PDE4D: variants seen among roughly 807,000 people sequenced by gnomAD.
The protein encoded by PDE4D is phosphodiesterase 4D, also known as 3',5'-cyclic-AMP phosphodiesterase 4D.
Under a neutral mutation model 87.4 loss-of-function variants are expected in PDE4D, and 24 were observed. The observed-to-expected ratio is 0.27, with a 90% CI of 0.20 to 0.39. The LOEUF (loss-of-function observed/expected upper bound fraction) is 0.39, where lower values mean the gene tolerates loss of function less well. PDE4D is among the 10% of genes least tolerant of loss of function. The pLI is 1.00. For missense variants in PDE4D, 714 were observed against 1,041.0 expected (o/e 0.69, Z 4.32); for synonymous variants, 384 against 383.2 (o/e 1.00, Z -0.02).
intron 1 of PDE4D, among the ~76,000 whole-genome samples, chr5:60,244,420 G>A (rs1747469249): frequency 6.6e-6 from 1 of 151,716 alleles, no homozygotes; most frequent in East Asian, 1.9e-4. Flanking sequence ...AAATACTGAT[G>A]ACATTCTTTA....
chr5:59,234,750 TG>T (rs1270976969), intron 1 of PDE4D, among the ~76,000 whole-genome samples: 5 of 152,188 alleles, frequency 3.3e-5, no homozygotes, highest in African/African-American at 1.2e-4. Context: ...AAAGGATAGA[TG>T]TCAGTTTTTT....
intron 6 of PDE4D, among the ~76,000 whole-genome samples, chr5:59,022,955 T>C (rs1426126065): frequency 6.6e-6 from 1 of 152,096 alleles, no homozygotes; most frequent in African/African-American, 2.4e-5. Context: ...GTGGGCAGAT[T>C]ACGAGGTCAG....
intron 2 of PDE4D, among the ~76,000 whole-genome samples, chr5:60,086,868 C>T (rs1419939526): frequency 1.3e-5 from 2 of 152,178 alleles, no homozygotes; most frequent in Non-Finnish European, 2.9e-5. Context: ...CTCTGTGCTT[C>T]AATCAGTGGG....
Position 59,052,239 on chromosome 5 carries a change from G to A in PDE4D, c.809-13268C>T, listed in dbSNP as rs1224031922. On this transcript the variant is annotated intron_variant, in intron 5 of 14. Coordinates refer to ENST00000340635, the MANE Select transcript of PDE4D (RefSeq NM_001104631.2). ...CAGTGTGCTGGGTTTCAGGAAGAAGGTGAACTTGGATGTAGGTCTTCAAGG... is the reference window on the plus strand; with the variant it reads ...CAGTGTGCTGGGTTTCAGGAAGAAGATGAACTTGGATGTAGGTCTTCAAGG... 2.0e-5 allele frequency among the ~76,000 whole-genome samples: 3 copies of A among 152,304 alleles called. No homozygotes were observed. In the East Asian group the frequency reaches 5.8e-4, roughly 29 times the overall value.
chr5:60,110,780 A>G (rs1454047989), intron 2 of PDE4D, among the ~76,000 whole-genome samples: 1 of 152,150 alleles, frequency 6.6e-6, no homozygotes, highest in East Asian at 1.9e-4. Context: ...AAATAGATAA[A>G]GAAAATGTGG....
intron 1 of PDE4D, among the ~76,000 whole-genome samples, chr5:59,700,960 A>G (rs1003441427): frequency 6.6e-6 from 1 of 152,148 alleles, no homozygotes; most frequent in Non-Finnish European, 1.5e-5. Flanking sequence ...AGCCCCTAGA[A>G]TCTGATCTTG....
chr5:59,731,751 C>T (rs1757388157), intron 1 of PDE4D, among the ~76,000 whole-genome samples: 1 of 152,122 alleles, frequency 6.6e-6, no homozygotes, highest in African/African-American at 2.4e-5. Flanking sequence ...ATGTTTCCTT[C>T]AGTCATTTCT....
chr5:60,280,489 A>G (rs1751794913), intron 1 of PDE4D, among the ~76,000 whole-genome samples: 1 of 152,214 alleles, frequency 6.6e-6, no homozygotes, highest in Non-Finnish European at 1.5e-5. Flanking sequence ...CAGAATAGAA[A>G]TTATCTGAAA....
intron 1 of PDE4D, among the ~76,000 whole-genome samples, chr5:59,265,474 A>G (rs962453545): frequency 6.6e-6 from 1 of 152,052 alleles, no homozygotes; most frequent in Middle Eastern, 3.2e-3. Context: ...CTTATGGAAA[A>G]GAAACCCTTA....
At chr5:59,030,544 GC>G (rs1479868935) in intron 6 of PDE4D, among the ~76,000 whole-genome samples, 1 of 150,780 alleles carries the variant, frequency 6.6e-6, no homozygotes, top group Non-Finnish European at 1.5e-5. Context: ...TTCTAGACAA[GC>G]CTGGGCAAAA....
At chr5:59,565,990 A>G (rs1419178146) in intron 1 of PDE4D, among the ~76,000 whole-genome samples, 2 of 152,206 alleles carry the variant, frequency 1.3e-5, no homozygotes, top group African/African-American at 2.4e-5. Flanking sequence ...AGGAAAAAGA[A>G]ATGTGAAAAT....
intron 1 of PDE4D, among the ~76,000 whole-genome samples, chr5:59,428,679 T>G (rs1224152228): frequency 6.6e-6 from 1 of 152,112 alleles, no homozygotes; most frequent in African/African-American, 2.4e-5. Flanking sequence ...CTTAAGAAAA[T>G]GAGTAACAGA....
chr5:59,551,091 A>G (rs1818039336), intron 1 of PDE4D, among the ~76,000 whole-genome samples: 1 of 151,998 alleles, frequency 6.6e-6, no homozygotes, highest in Non-Finnish European at 1.5e-5. Context: ...CGTTTTCTTT[A>G]TGGTGTTTTT....
At chr5:60,482,208 C>T (rs1748782940) in intron 1 of PDE4D, among the ~76,000 whole-genome samples, 1 of 152,032 alleles carries the variant, frequency 6.6e-6, no homozygotes, top group African/African-American at 2.4e-5. Context: ...CTCTTTCTGC[C>T]ATGTGAAGAT....
intron 5 of PDE4D, among the ~76,000 whole-genome samples, chr5:59,045,409 C>T (rs1429891419): frequency 1.3e-5 from 2 of 151,922 alleles, no homozygotes; most frequent in South Asian, 2.1e-4. Context: ...CAAAATTAGT[C>T]GGGCTTGGTG....
chr5:59,003,088 A>G (rs1750874977), intron 6 of PDE4D, among the ~76,000 whole-genome samples: 1 of 152,188 alleles, frequency 6.6e-6, no homozygotes, highest in Admixed American at 6.5e-5. Flanking sequence ...TCCATGTCTC[A>G]GGGCCAAAAT....
chr5:59,527,340 T>G (rs1454276842), intron 1 of PDE4D, among the ~76,000 whole-genome samples: 2 of 152,206 alleles, frequency 1.3e-5, no homozygotes, highest in Non-Finnish European at 2.9e-5. Context: ...ATTAAAATAT[T>G]CAAAACACTA....
chr5:59,634,650 G>A (rs1034369332), intron 1 of PDE4D, among the ~76,000 whole-genome samples: 5 of 152,100 alleles, frequency 3.3e-5, no homozygotes, highest in Admixed American at 6.6e-5. Flanking sequence ...GGTGAATAAC[G>A]AAACAAAGGC....
At chr5:59,273,472 G>A (rs750163197) in intron 1 of PDE4D, among the ~76,000 whole-genome samples, 9 of 151,950 alleles carry the variant, frequency 5.9e-5, no homozygotes, top group South Asian at 2.1e-4. Flanking sequence ...ACTGATAGAC[G>A]GATAATAAAA....
Sources: gnomAD v4.1 joint callset for allele counts (sites outside exome capture counted in the v4.1 genomes callset) on GRCh38, gnomAD v4.1.1 for gene constraint, MANE v1.5 for transcripts, NCBI Gene and HGNC (gene_info 2026-07-23, HGNC 2026-07-21) for gene names.